The following BCAS3 variants were observed in gnomAD, a reference collection of about 807,000 sequenced individuals.
BCAS3 encodes the protein BCAS3 microtubule associated cell migration factor.
In BCAS3, 53 loss-of-function variants were observed where a neutral mutation model predicts 116.1. That is an observed-to-expected ratio of 0.46 (90% CI 0.37 to 0.57). The LOEUF (loss-of-function observed/expected upper bound fraction) is 0.57. Ranked by LOEUF, BCAS3 falls within the 20% of genes least tolerant of loss-of-function variation. The probability of loss-of-function intolerance (pLI) is 0.00; values close to 1 mark genes in which losing one functional copy is unlikely to be tolerated. For missense variants in BCAS3, 917 were observed against 1,165.4 expected, an observed-to-expected ratio of 0.79 and a Z score of 3.10; for synonymous variants, 391 against 408.2, an observed-to-expected ratio of 0.96 and a Z score of 0.51.
intron 12 of BCAS3, among the ~76,000 whole-genome samples, chr17:60,920,786 C>G (rs1331020147): frequency 6.6e-6 from 1 of 152,014 alleles, no homozygotes; most frequent in Non-Finnish European, 1.5e-5. Flanking sequence ...AGGAGAATCG[C>G]TTGAACCCAG....
Position 60,992,230 on chromosome 17 carries a change from A to ACACT in BCAS3, c.1486+1996_1486+1997insACTC, listed in dbSNP as rs748676282. Among the ~76,000 whole-genome samples the ACACT allele has an allele frequency of 8.3e-3, 1,216 of 147,116 alleles. 12 individuals are homozygous for ACACT. Among genetic ancestry groups the ACACT allele is most frequent in the African/African-American group, 0.027 (1,046 of 38,746 alleles). On this transcript the variant is annotated intron_variant, in intron 15 of 23. Transcript: ENST00000407086. ...CACACACACACACACACACACACAC[A>ACACT]CTCTGTAGGAAGCTTAAAGATAGAC...
chr17:61,148,208 G>A (rs1336450931), intron 22 of BCAS3, among the ~76,000 whole-genome samples: 2 of 152,160 alleles, frequency 1.3e-5, no homozygotes, highest in African/African-American at 2.4e-5. Flanking sequence ...ATTATTTCCA[G>A]AGCTTGATAT....
At chr17:60,987,276 GTT>G (rs201779358) in intron 14 of BCAS3, 2 of 135,808 alleles carry the variant, frequency 1.5e-5, no homozygotes, top group Non-Finnish European at 3.2e-5. Flanking sequence ...ATTCCTCCAG[GTT>G]TTTTTTTTTT....
intron 14 of BCAS3, among the ~76,000 whole-genome samples, chr17:60,957,190 G>A (rs7210995): frequency 0.038 from 5,761 of 152,112 alleles, 408 homozygotes; most frequent in African/African-American, 0.13. Context: ...TTGGCAAATG[G>A]CAAACTTGCT....
chr17:61,039,727 A>T (rs762826818), intron 18 of BCAS3, among the ~76,000 whole-genome samples: 1 of 152,150 alleles, frequency 6.6e-6, no homozygotes, highest in Non-Finnish European at 1.5e-5. Context: ...GCCCATGAAC[A>T]TATTTTTTTA....
In BCAS3 at chr17:60,875,818, CTT is replaced by C. The variant is rs2055552669; in HGVS notation, c.661+1084_661+1085del. Among the ~76,000 whole-genome samples the C allele has an allele frequency of 2.0e-5, 3 of 151,960 alleles. No homozygotes were observed. The South Asian group carries it at 6.2e-4, about 31-fold the overall frequency. On this transcript the variant is annotated intron_variant, in intron 9 of 23. Transcript: ENST00000407086. Reference sequence around the variant, plus strand: ...TTCCTGTAAAGGCCATAAACAATAACTTTTTATTTTGGGAAATATATACATAT... The same window carrying C: ...TTCCTGTAAAGGCCATAAACAATAACTTTATTTTGGGAAATATATACATAT...
rs144646503 is a variant in BCAS3 at position 60,782,043 on chromosome 17, T to G, written c.404-25961T>G. On this transcript the variant is annotated intron_variant, in intron 6 of 23. Coordinates refer to ENST00000407086, the MANE Select transcript of BCAS3 (RefSeq NM_017679.5). ...ACTGAGCTAGAAATCAGATTAACTT[T>G]CACAAAAGCAAAAGAAACCTATACC... 8.3e-3 allele frequency among the ~76,000 whole-genome samples: 1,266 copies of G among 152,332 alleles called. 9 individuals carry two copies. The highest frequency in any genetic ancestry group is 0.013 in the South Asian group (63 of 4,826).
chr17:60,873,175 A>T (rs576223318), intron 8 of BCAS3, among the ~76,000 whole-genome samples: 1 of 152,156 alleles, frequency 6.6e-6, no homozygotes. Context: ...CAGAGTACAC[A>T]TACACATATA....
chr17:61,168,008 A>G (rs1413616233), intron 22 of BCAS3, among the ~76,000 whole-genome samples: 1 of 152,198 alleles, frequency 6.6e-6, no homozygotes, highest in African/African-American at 2.4e-5. Flanking sequence ...TTGGTATCAT[A>G]CGGCGCTGCC....
chr17:61,091,605 TAAAG>T (rs2143593921), intron 22 of BCAS3, among the ~76,000 whole-genome samples: 1 of 152,306 alleles, frequency 6.6e-6, no homozygotes, highest in Non-Finnish European at 1.5e-5. Flanking sequence ...AGTGGGCAAT[TAAAG>T]AACAGCTTGG....
chr17:61,060,305 T>G (rs539479331), intron 19 of BCAS3, among the ~76,000 whole-genome samples: 118 of 150,334 alleles, frequency 7.8e-4, no homozygotes, highest in Middle Eastern at 3.5e-3. Context: ...TTTTTTTTTT[T>G]TGTGTATTTT....
chr17:60,930,973 G>A (rs2059616565), intron 13 of BCAS3, among the ~76,000 whole-genome samples: 1 of 152,110 alleles, frequency 6.6e-6, no homozygotes, highest in Non-Finnish European at 1.5e-5. Flanking sequence ...TCTTGTATGG[G>A]ACCTATTCAG....
intron 3 of BCAS3, among the ~76,000 whole-genome samples, chr17:60,687,393 C>A (rs2034211560): frequency 6.6e-6 from 1 of 152,094 alleles, no homozygotes; most frequent in Non-Finnish European, 1.5e-5. Flanking sequence ...TGCTTGTGCC[C>A]AGGAGTACCA....
chr17:61,085,703 C>G (rs1306021025), intron 22 of BCAS3, among the ~76,000 whole-genome samples: 3 of 152,072 alleles, frequency 2.0e-5, no homozygotes, highest in Non-Finnish European at 4.4e-5. Flanking sequence ...CATGGTTGTC[C>G]CCTGGAAATG....
chr17:60,848,854 A>T (rs1426740207), intron 7 of BCAS3, among the ~76,000 whole-genome samples: 3 of 151,970 alleles, frequency 2.0e-5, no homozygotes, highest in African/African-American at 7.3e-5. Flanking sequence ...AAAAAAAAAA[A>T]AGTACTCTTG....
At position 61,359,793 on chromosome 17, in the gene BCAS3, G is replaced by C. The variant is rs1359447227; in HGVS notation, c.2426-8534G>C. 3.9e-5 allele frequency among the ~76,000 whole-genome samples: 6 copies of C among 152,122 alleles called. No individual in the cohort carries two copies. In the East Asian group the frequency reaches 5.8e-4, roughly 15 times the overall value. On this transcript the variant is annotated intron_variant, in intron 22 of 23. Coordinates refer to ENST00000407086, the MANE Select transcript of BCAS3 (RefSeq NM_017679.5). ...GGCGTGAGCCACTGCGCCTGGCCAG[G>C]TTCTTTTTTTGTAAAGGATTAAAGG...
intron 19 of BCAS3, among the ~76,000 whole-genome samples, chr17:61,052,341 C>T (rs959964752): frequency 1.6e-4 from 25 of 152,008 alleles, no homozygotes; most frequent in Middle Eastern, 3.4e-3. Context: ...TTTTACATTT[C>T]GGATATCATA....
At chr17:61,046,565 T>A (rs2068373208) in intron 19 of BCAS3, among the ~76,000 whole-genome samples, 1 of 151,782 alleles carries the variant, frequency 6.6e-6, no homozygotes, top group Admixed American at 6.6e-5. Context: ...ACAATGTAAG[T>A]GCTATATAAA....
intron 22 of BCAS3, among the ~76,000 whole-genome samples, chr17:61,221,046 G>A (rs1275312457): frequency 1.3e-5 from 2 of 152,218 alleles, no homozygotes; most frequent in Non-Finnish European, 2.9e-5. Context: ...CTCGCAGTGA[G>A]CCGAGATCGC....
Sources: allele counts gnomAD v4.1 joint callset (sites outside exome capture counted in the v4.1 genomes callset), GRCh38; gene constraint gnomAD v4.1.1; transcripts MANE v1.5; gene names NCBI Gene and HGNC (gene_info 2026-07-23, HGNC 2026-07-21).